MAP2K4: variants seen among roughly 807,000 people sequenced by gnomAD.
MAP2K4 encodes the protein dual specificity mitogen-activated protein kinase kinase 4.
MAP2K4 carries 4 observed loss-of-function variants against 48.5 expected under a neutral mutation model. The observed-to-expected ratio is 0.08, with a 90% CI of 0.04 to 0.19. MAP2K4 has a LOEUF of 0.19. Among genes scored for constraint, MAP2K4 ranks in the 10% least tolerant of loss-of-function variants. The pLI, the probability that MAP2K4 is intolerant of heterozygous loss-of-function variation, is 1.00. For missense variants in MAP2K4, 258 were observed against 493.3 expected (o/e 0.52, Z 4.52); for synonymous variants, 166 against 173.1 (o/e 0.96, Z 0.32).
At chr17:12,080,275 T>C (rs1434989280) in intron 2 of MAP2K4, among the ~76,000 whole-genome samples, 2 of 152,176 alleles carry the variant, frequency 1.3e-5, no homozygotes, top group Admixed American at 6.5e-5. Flanking sequence ...GTTTGCATCA[T>C]AGGATCAGAG....
intron 1 of MAP2K4, among the ~76,000 whole-genome samples, chr17:12,044,508 A>G (rs1375072886): frequency 1.3e-5 from 2 of 152,230 alleles, no homozygotes; most frequent in African/African-American, 2.4e-5. Flanking sequence ...AAACTTGCCA[A>G]GAAGGAGAAG....
chr17:12,100,259 C>T (rs1203586196), intron 4 of MAP2K4, among the ~76,000 whole-genome samples: 1 of 152,174 alleles, frequency 6.6e-6, no homozygotes, highest in Non-Finnish European at 1.5e-5. Context: ...TAACCACTGA[C>T]CTGCTTTATG....
At chr17:12,023,062 A>T (rs924891446) in intron 1 of MAP2K4, among the ~76,000 whole-genome samples, 5 of 152,210 alleles carry the variant, frequency 3.3e-5, no homozygotes, top group African/African-American at 1.2e-4. Context: ...AACCCATTTT[A>T]GAAGGAAAAA....
At chr17:12,041,245 G>T (rs1969770156) in intron 1 of MAP2K4, among the ~76,000 whole-genome samples, 1 of 152,162 alleles carries the variant, frequency 6.6e-6, no homozygotes, top group Non-Finnish European at 1.5e-5. Context: ...TTTAATGAGG[G>T]TCAAAAGAAG....
intron 1 of MAP2K4, among the ~76,000 whole-genome samples, chr17:12,028,178 C>G (rs1567622566): frequency 1.3e-5 from 2 of 152,108 alleles, no homozygotes; most frequent in African/African-American, 2.4e-5. Flanking sequence ...ATTAAACAGG[C>G]TTGAGAAGGT....
At chr17:12,051,998 A>C (rs1205241410) in intron 1 of MAP2K4, among the ~76,000 whole-genome samples, 3 of 151,356 alleles carry the variant, frequency 2.0e-5, no homozygotes, top group Non-Finnish European at 4.4e-5. Flanking sequence ...CTATTTTTCT[A>C]CTTTTCTTGA....
At chr17:12,040,910 A>G (rs541348694) in intron 1 of MAP2K4, among the ~76,000 whole-genome samples, 24 of 152,346 alleles carry the variant, frequency 1.6e-4, no homozygotes, top group African/African-American at 5.5e-4. Context: ...TCCATCATCT[A>G]ACTTTAACTA....
rs76312060 is a variant in MAP2K4 at position 12,102,336 on chromosome 17, T to A, written c.514-5454T>A. 1.5e-3 allele frequency among the ~76,000 whole-genome samples: 229 copies of A among 152,272 alleles called. No individual in the cohort carries two copies. The East Asian group carries it at 0.036, about 24-fold the overall frequency. ...ATGAATTGATCTCAGATATTAAACA[T>A]AGCTTTTATTTCTGGGAGAAATCCA... is the stretch of plus-strand genomic sequence containing the variant. On this transcript the variant is annotated intron_variant, in intron 4 of 10. Coordinates refer to ENST00000353533, the MANE Select transcript of MAP2K4 (RefSeq NM_003010.4).
chr17:12,054,048 G>A (rs1438139236), intron 1 of MAP2K4, among the ~76,000 whole-genome samples: 7 of 152,230 alleles, frequency 4.6e-5, no homozygotes, highest in East Asian at 1.9e-4. Flanking sequence ...AAATGATTCT[G>A]TAAGACTTAT....
At chr17:12,060,676 TG>T (rs1970419902) in intron 2 of MAP2K4, among the ~76,000 whole-genome samples, 1 of 152,202 alleles carries the variant, frequency 6.6e-6, no homozygotes, top group African/African-American at 2.4e-5. Context: ...GAAGTATTTA[TG>T]GGTATGTATT....
chr17:12,080,934 C>T (rs2151548286), intron 2 of MAP2K4, among the ~76,000 whole-genome samples: 1 of 152,304 alleles, frequency 6.6e-6, no homozygotes, highest in East Asian at 1.9e-4. Context: ...ACTGGAATAA[C>T]TAATGTTGGG....
intron 9 of MAP2K4, among the ~76,000 whole-genome samples, chr17:12,132,440 A>C (rs1211892384): frequency 6.6e-6 from 1 of 152,190 alleles, no homozygotes; most frequent in African/African-American, 2.4e-5. Context: ...AAATCTCACG[A>C]ATGATGTTGA....
rs1470395656 is a variant in MAP2K4 at position 12,053,811 on chromosome 17, G to C, written c.116-1078G>C. Among the ~76,000 whole-genome samples the C allele has an allele frequency of 2.6e-5, 4 of 152,138 alleles. No individual in the cohort carries two copies. In the South Asian group the frequency reaches 8.3e-4, roughly 32 times the overall value. Reference sequence around the variant, plus strand: ...TTCTCCATCCAGTGTGGCTCCGTCAGATTTTCAGATCTCACATTTACAGTT... The same window carrying C: ...TTCTCCATCCAGTGTGGCTCCGTCACATTTTCAGATCTCACATTTACAGTT... On this transcript the variant is annotated intron_variant, in intron 1 of 10. Transcript: ENST00000353533.
chr17:12,080,612 G>A (rs191873977), intron 2 of MAP2K4, among the ~76,000 whole-genome samples: 11 of 152,162 alleles, frequency 7.2e-5, no homozygotes, highest in African/African-American at 2.7e-4. Flanking sequence ...TCGAACGAGG[G>A]CTGAAAATTT....
chr17:12,020,902 C>G lies in MAP2K4; in HGVS notation c.16C>G (p.Pro6Ala), dbSNP rs979899636. 18 of 1,216,312 alleles carry G rather than the reference C, an allele frequency of 1.5e-5. No individual in the cohort carries two copies. In the African/African-American group the frequency reaches 1.7e-4, roughly 12 times the overall value. The allele number at this position is 1,216,312 out of a possible 1,614,324, so 75.3% of individuals were successfully genotyped here. A position where few individuals can be genotyped will look rare whatever the true frequency, so the allele number is the denominator to read the frequency against. ...ACTCCCAACAATGGCGGCTCCGAGC[C>G]CGAGCGGCGGCGGCGGCTCCGGGGG... is the stretch of plus-strand genomic sequence containing the variant. MAAPS[P>A]SGGGGSGGGS... Residue 6 changes from proline to alanine, a missense_variant, in exon 1 of 11, where the codon CCG becomes GCG. This residue lies in a region of MAP2K4 where 69 missense variants were observed against 56.2 expected (regional missense o/e 1.23). Transcript: ENST00000353533.
intron 1 of MAP2K4, among the ~76,000 whole-genome samples, chr17:12,035,129 A>G (rs1969553152): frequency 6.6e-6 from 1 of 152,244 alleles, no homozygotes; most frequent in Admixed American, 6.5e-5. Context: ...TTAAAAAATT[A>G]GAAGTGCAAA....
chr17:12,044,554 A>G (rs1969897844), intron 1 of MAP2K4, among the ~76,000 whole-genome samples: 1 of 152,250 alleles, frequency 6.6e-6, no homozygotes, highest in South Asian at 2.1e-4. Context: ...GAAAAACTCA[A>G]ACTTTTTTCC....
intron 2 of MAP2K4, among the ~76,000 whole-genome samples, chr17:12,066,162 G>T (rs1970611948): frequency 6.7e-6 from 1 of 149,146 alleles, no homozygotes; most frequent in South Asian, 2.1e-4. Flanking sequence ...TACAGAGAAA[G>T]TATAAAGAAG....
intron 7 of MAP2K4, among the ~76,000 whole-genome samples, chr17:12,121,953 T>C (rs1422799476): frequency 6.6e-6 from 1 of 152,250 alleles, no homozygotes; most frequent in African/African-American, 2.4e-5. Flanking sequence ...TTTGTAGTTT[T>C]CAGTGTGCAG....
Sources: gnomAD v4.1 joint callset for allele counts (sites outside exome capture counted in the v4.1 genomes callset) on GRCh38, gnomAD v4.1.1 for gene constraint, gnomAD v4.1.1 regional missense constraint, MANE v1.5 for transcripts, NCBI Gene and HGNC (gene_info 2026-07-23, HGNC 2026-07-21) for gene names.